Variants in SLC2A13 observed in about 807,000 individuals in gnomAD.
The protein encoded by SLC2A13 is proton myo-inositol cotransporter.
A neutral mutation model predicts 64.4 loss-of-function variants in SLC2A13; 32 were observed. The ratio of observed to expected loss-of-function variants is 0.50; its 90% confidence interval spans 0.37 to 0.67. SLC2A13 has a LOEUF of 0.67. Among genes scored for constraint, SLC2A13 ranks in the 30% least tolerant of loss-of-function variants. The pLI, the probability that SLC2A13 is intolerant of heterozygous loss-of-function variation, is 0.00. For missense variants in SLC2A13, 743 were observed against 829.2 expected, an observed-to-expected ratio of 0.90 and a Z score of 1.28; for synonymous variants, 338 against 327.1, an observed-to-expected ratio of 1.03 and a Z score of -0.36.
intron 1 of SLC2A13, among the ~76,000 whole-genome samples, chr12:40,052,474 A>C (rs1948274941): frequency 6.6e-6 from 1 of 152,120 alleles, no homozygotes; most frequent in Non-Finnish European, 1.5e-5. Context: ...ACCAAAAAAG[A>C]CAAAAAACAG....
At chr12:39,916,753 G>A (rs1395041696) in intron 4 of SLC2A13, among the ~76,000 whole-genome samples, 1 of 152,062 alleles carries the variant, frequency 6.6e-6, no homozygotes, top group Non-Finnish European at 1.5e-5. Flanking sequence ...TTGTGTTTAA[G>A]TAATTAGTAA....
intron 7 of SLC2A13, among the ~76,000 whole-genome samples, chr12:39,820,949 A>G (rs534737320): frequency 6.6e-6 from 1 of 151,914 alleles, no homozygotes. Flanking sequence ...CCCCTACTTA[A>G]AAACCTTAAC....
intron 6 of SLC2A13, among the ~76,000 whole-genome samples, chr12:39,861,946 G>A (rs2135920135): frequency 6.6e-6 from 1 of 152,236 alleles, no homozygotes; most frequent in Non-Finnish European, 1.5e-5. Flanking sequence ...CATGTGCCAT[G>A]GTGGTTTGCT....
At chr12:39,858,255 T>C (rs1455298883) in intron 6 of SLC2A13, among the ~76,000 whole-genome samples, 1 of 152,238 alleles carries the variant, frequency 6.6e-6, no homozygotes, top group Non-Finnish European at 1.5e-5. Flanking sequence ...GTGGACTTTT[T>C]GTTCCAACTT....
chr12:39,962,863 G>A (rs1388859793), intron 3 of SLC2A13, among the ~76,000 whole-genome samples: 12 of 152,104 alleles, frequency 7.9e-5, no homozygotes, highest in Admixed American at 6.5e-4. Flanking sequence ...CCTTCCCTGA[G>A]CTCCAGGTGT....
intron 1 of SLC2A13, among the ~76,000 whole-genome samples, chr12:40,077,309 A>C (rs1046175536): frequency 2.0e-5 from 3 of 152,042 alleles, no homozygotes; most frequent in Non-Finnish European, 4.4e-5. Flanking sequence ...TCTTTGTTCT[A>C]TCTTGAGTTG....
At chr12:39,962,282 G>C (rs534254209) in intron 3 of SLC2A13, among the ~76,000 whole-genome samples, 3 of 151,824 alleles carry the variant, frequency 2.0e-5, no homozygotes, top group Admixed American at 6.6e-5. Context: ...GTAGAGACAG[G>C]GTTTCACCAT....
intron 4 of SLC2A13, among the ~76,000 whole-genome samples, chr12:39,918,766 C>T (rs1043759497): frequency 4.6e-5 from 7 of 150,888 alleles, no homozygotes; most frequent in South Asian, 4.2e-4. Flanking sequence ...TGGTGGCGCA[C>T]GCCTATAGTT....
Position 40,093,239 on chromosome 12 carries a change from T to C in SLC2A13, c.556+12014A>G, listed in dbSNP as rs1938825827. 6.6e-5 allele frequency among the ~76,000 whole-genome samples: 10 copies of C among 152,308 alleles called. No individual in the cohort carries two copies. In the South Asian group the frequency reaches 2.1e-3, roughly 32 times the overall value. On this transcript the variant is annotated intron_variant, in intron 1 of 9. Transcript: ENST00000280871. ...AACCACTTTAAAAAGTTTGAAACCA[T>C]AGAGTAGTGTCAGAAGCAACCCTAG...
intron 6 of SLC2A13, among the ~76,000 whole-genome samples, chr12:39,832,084 A>G (rs1243367179): frequency 6.6e-6 from 1 of 152,130 alleles, no homozygotes; most frequent in Non-Finnish European, 1.5e-5. Flanking sequence ...CTAGACAAAA[A>G]GCAAAAGAGA....
chr12:39,781,427 A>G (rs1213713616), intron 7 of SLC2A13, among the ~76,000 whole-genome samples: 1 of 152,148 alleles, frequency 6.6e-6, no homozygotes, highest in Non-Finnish European at 1.5e-5. Context: ...CCTCCACGTC[A>G]CCTGCCATTG....
intron 4 of SLC2A13, among the ~76,000 whole-genome samples, chr12:39,919,963 G>A (rs1945586783): frequency 6.6e-6 from 1 of 151,864 alleles, no homozygotes; most frequent in African/African-American, 2.4e-5. Context: ...GGCACACCTT[G>A]ATACACTTAT....
intron 4 of SLC2A13, among the ~76,000 whole-genome samples, chr12:39,919,537 T>A (rs1332438698): frequency 6.6e-6 from 1 of 152,080 alleles, no homozygotes; most frequent in South Asian, 2.1e-4. Flanking sequence ...ATATCTAACA[T>A]AGTAATTTAA....
At chr12:40,020,212 A>G (rs1222603763) in intron 3 of SLC2A13, among the ~76,000 whole-genome samples, 1 of 152,160 alleles carries the variant, frequency 6.6e-6, no homozygotes, top group Admixed American at 6.5e-5. Flanking sequence ...TTCAGATAGT[A>G]TATGACATGG....
At chr12:40,020,921 T>G (rs1471764561) in intron 3 of SLC2A13, among the ~76,000 whole-genome samples, 6 of 132,594 alleles carry the variant, frequency 4.5e-5, no homozygotes, top group East Asian at 2.6e-4. Flanking sequence ...ACCTTGTGGG[T>G]TTTTTTTTTT....
intron 3 of SLC2A13, among the ~76,000 whole-genome samples, chr12:40,003,602 A>C (rs1947355169): frequency 6.6e-6 from 1 of 152,146 alleles, no homozygotes; most frequent in Non-Finnish European, 1.5e-5. Flanking sequence ...CAGGCCCCTA[A>C]TATGCCTTAA....
intron 3 of SLC2A13, among the ~76,000 whole-genome samples, chr12:39,976,233 T>C (rs1946754912): frequency 6.6e-6 from 1 of 152,220 alleles, no homozygotes; most frequent in Non-Finnish European, 1.5e-5. Flanking sequence ...AACCTCTCCA[T>C]ATCCCACCAT....
At chr12:39,951,132 A>G in intron 4 of SLC2A13, 125 bp downstream of exon 4, 4 of 717,614 alleles carry the variant, frequency 5.6e-6, no homozygotes, top group Non-Finnish European at 6.4e-6. Context: ...TCCCAAAAGG[A>G]GAATTCATAC....
chr12:39,906,222 C>T (rs2136029664), intron 4 of SLC2A13, among the ~76,000 whole-genome samples: 1 of 152,078 alleles, frequency 6.6e-6, no homozygotes, highest in African/African-American at 2.4e-5. Context: ...TCAGTAATTC[C>T]AACTATCATT....
Sources: gnomAD v4.1 joint callset for allele counts (sites outside exome capture counted in the v4.1 genomes callset) on GRCh38, gnomAD v4.1.1 for gene constraint, MANE v1.5 for transcripts, NCBI Gene and HGNC (gene_info 2026-07-23, HGNC 2026-07-21) for gene names.